The following PRKD1 variants were observed in gnomAD, a reference collection of about 807,000 sequenced individuals.
PRKD1 encodes serine/threonine-protein kinase D1.
In PRKD1, 63 loss-of-function variants were observed where a neutral mutation model predicts 95.9. That is an observed-to-expected ratio of 0.66 (90% CI 0.54 to 0.81). The LOEUF (loss-of-function observed/expected upper bound fraction) is 0.81, where lower values mean the gene tolerates loss of function less well. PRKD1 is among the 30% of genes least tolerant of loss of function. The pLI is 0.00. For missense variants in PRKD1, 1,048 were observed against 1,165.3 expected (o/e 0.90, Z 1.47); for synonymous variants, 425 against 423.1 (o/e 1.00, Z -0.05).
intron 1 of PRKD1, among the ~76,000 whole-genome samples, chr14:29,823,403 G>A (rs573959210): frequency 6.6e-6 from 1 of 151,946 alleles, no homozygotes; most frequent in Non-Finnish European, 1.5e-5. Flanking sequence ...TGTTTTCCGA[G>A]AATAATGCAA....
At chr14:29,820,873 A>C (rs577106748) in intron 1 of PRKD1, among the ~76,000 whole-genome samples, 1 of 152,328 alleles carries the variant, frequency 6.6e-6, no homozygotes, top group South Asian at 2.1e-4. Context: ...ATCAACAAGG[A>C]AAGAGGCACA....
At chr14:29,893,845 CT>C (rs1894025037) in intron 1 of PRKD1, among the ~76,000 whole-genome samples, 1 of 152,136 alleles carries the variant, frequency 6.6e-6, no homozygotes, top group Admixed American at 6.5e-5. Context: ...TGAAAACTGC[CT>C]GTGAGGCTAT....
chr14:29,850,220 G>T (rs1036162425), intron 1 of PRKD1, among the ~76,000 whole-genome samples: 6 of 151,842 alleles, frequency 4.0e-5, no homozygotes, highest in Non-Finnish European at 7.4e-5. Context: ...TCAAGAGAAA[G>T]AAATAAAAGG....
chr14:29,646,462 A>G (rs1881127002), intron 4 of PRKD1, among the ~76,000 whole-genome samples: 1 of 152,126 alleles, frequency 6.6e-6, no homozygotes, highest in African/African-American at 2.4e-5. Context: ...TGACTATTAA[A>G]TACTGCATGC....
At chr14:29,740,154 T>C (rs1886922201) in intron 1 of PRKD1, among the ~76,000 whole-genome samples, 1 of 152,294 alleles carries the variant, frequency 6.6e-6, no homozygotes, top group South Asian at 2.1e-4. Context: ...CAACAGTAAT[T>C]AGGCGTGTGG....
intron 2 of PRKD1, among the ~76,000 whole-genome samples, chr14:29,693,656 A>C (rs867790218): frequency 0.024 from 3,676 of 150,406 alleles, 160 homozygotes; most frequent in African/African-American, 0.086. Context: ...AACAACAAAA[A>C]AAAAAAACCA....
chr14:29,734,131 C>T (rs1886602066), intron 1 of PRKD1, among the ~76,000 whole-genome samples: 1 of 143,042 alleles, frequency 7.0e-6, no homozygotes, highest in African/African-American at 2.6e-5. Flanking sequence ...CAACCTCCGC[C>T]TCCCAGGTTC....
In PRKD1 at chr14:29,868,427, TA is replaced by T. The variant is rs144442380; in HGVS notation, c.264+58821del. Among the ~76,000 whole-genome samples, 673 of 152,292 alleles carry T rather than the reference TA, an allele frequency of 4.4e-3. 7 individuals carry two copies. The highest frequency in any genetic ancestry group is 0.015 in the African/African-American group (621 of 41,560). On this transcript the variant is annotated intron_variant, in intron 1 of 17. Coordinates refer to ENST00000331968, the MANE Select transcript of PRKD1 (RefSeq NM_002742.3). ...TTTTAAAAAGGAGTGTCAATAAAAT[TA>T]AACCCAACCTATACACTGATTTCAA...
chr14:29,784,305 T>C (rs531948839), intron 1 of PRKD1, among the ~76,000 whole-genome samples: 6 of 152,324 alleles, frequency 3.9e-5, no homozygotes, highest in African/African-American at 1.2e-4. Flanking sequence ...CTTTGTATTA[T>C]ATTTTAGAGT....
chr14:29,769,627 T>C (rs1888415446), intron 1 of PRKD1, among the ~76,000 whole-genome samples: 1 of 152,118 alleles, frequency 6.6e-6, no homozygotes, highest in Non-Finnish European at 1.5e-5. Flanking sequence ...TCAACATTTT[T>C]ATCCATGTGG....
chr14:29,832,600 A>G (rs1355504325), intron 1 of PRKD1, among the ~76,000 whole-genome samples: 1 of 152,058 alleles, frequency 6.6e-6, no homozygotes, highest in Admixed American at 6.6e-5. Context: ...TTCATCCAAA[A>G]TGCTTATAAA....
intron 2 of PRKD1, among the ~76,000 whole-genome samples, chr14:29,676,090 C>T (rs1883177440): frequency 6.7e-6 from 1 of 150,272 alleles, no homozygotes; most frequent in South Asian, 2.1e-4. Flanking sequence ...GCACGTTGTG[C>T]ACATGTACCC....
chr14:29,892,329 A>G (rs966358760), intron 1 of PRKD1, among the ~76,000 whole-genome samples: 2 of 151,876 alleles, frequency 1.3e-5, no homozygotes, highest in African/African-American at 4.8e-5. Flanking sequence ...AAAGAACTCA[A>G]GTTTTCCAAA....
intron 1 of PRKD1, among the ~76,000 whole-genome samples, chr14:29,837,142 G>A (rs968926061): frequency 6.6e-6 from 1 of 152,024 alleles, no homozygotes. Flanking sequence ...ATAATTCCGA[G>A]AAGTATACCA....
intron 1 of PRKD1, among the ~76,000 whole-genome samples, chr14:29,798,779 A>C (rs1347890998): frequency 1.3e-5 from 2 of 152,208 alleles, no homozygotes; most frequent in African/African-American, 4.8e-5. Context: ...ATATAACCCA[A>C]CCTTTTTTAT....
intron 2 of PRKD1, among the ~76,000 whole-genome samples, chr14:29,686,763 C>T (rs956825207): frequency 2.0e-5 from 3 of 152,148 alleles, no homozygotes; most frequent in African/African-American, 4.8e-5. Flanking sequence ...CTTAATGAAA[C>T]GTTTTGAGGA....
chr14:29,632,970 ATC>A, intron 8 of PRKD1, 24 bp from the exon 9 acceptor site: 2 of 1,591,800 alleles, frequency 1.3e-6, no homozygotes, highest in Non-Finnish European at 1.7e-6. Context: ...TAGATCCAAG[ATC>A]TTTTTAAAAA....
At chr14:29,874,025 C>G (rs867924529) in intron 1 of PRKD1, among the ~76,000 whole-genome samples, 2 of 152,130 alleles carry the variant, frequency 1.3e-5, no homozygotes, top group South Asian at 2.1e-4. Flanking sequence ...TGCTAGAGTT[C>G]TAACATTCTT....
chr14:29,888,834 A>T (rs530237629), intron 1 of PRKD1, among the ~76,000 whole-genome samples: 2 of 152,278 alleles, frequency 1.3e-5, no homozygotes, highest in South Asian at 4.1e-4. Context: ...ATATATATTC[A>T]CCCTTATTTC....
Sources: allele counts gnomAD v4.1 joint callset (sites outside exome capture counted in the v4.1 genomes callset), GRCh38; gene constraint gnomAD v4.1.1; transcripts MANE v1.5; gene names NCBI Gene and HGNC (gene_info 2026-07-23, HGNC 2026-07-21).